Variants in IGF2R observed in about 807,000 individuals in gnomAD.
IGF2R encodes insulin like growth factor 2 receptor, also known as cation-independent mannose-6-phosphate receptor.
In IGF2R, 91 loss-of-function variants were observed where a neutral mutation model predicts 270.6. That is an observed-to-expected ratio of 0.34 (90% CI 0.28 to 0.40). The LOEUF (loss-of-function observed/expected upper bound fraction) is 0.40, where lower values mean the gene tolerates loss of function less well. Ranked by LOEUF, IGF2R falls within the 10% of genes least tolerant of loss-of-function variation. The pLI is 1.00. For synonymous variants in IGF2R, 1,316 were observed against 1,258.9 expected, an observed-to-expected ratio of 1.05 and a Z score of -0.96; for missense variants, 2,805 against 3,188.3, an observed-to-expected ratio of 0.88 and a Z score of 2.90.
At chr6:160,085,249 T>C (rs1032825160) in intron 41 of IGF2R, 118 bp downstream of exon 41, 6 of 1,066,306 alleles carry the variant, frequency 5.6e-6, no homozygotes, top group African/African-American at 1.6e-5. Flanking sequence ...CCTCCAGATA[T>C]GATTGCCTGT....
In IGF2R at chr6:159,998,152, G is replaced by A. The variant is rs757691726; in HGVS notation, c.289+6829G>A. ...GAGAACTCACAGAGAAAGGCCACAAGTAATTCTGTTGGCCAGTGTTATGTA... is the reference window on the plus strand; with the variant it reads ...GAGAACTCACAGAGAAAGGCCACAAATAATTCTGTTGGCCAGTGTTATGTA... On this transcript the variant is annotated intron_variant, in intron 2 of 47. Coordinates refer to ENST00000356956, the MANE Select transcript of IGF2R (RefSeq NM_000876.4). This position sits in a 1 kb window ranked among gnomAD's most constrained non-coding sequence, Gnocchi z 4.1. Among the ~76,000 whole-genome samples, 4 of 152,240 alleles carry A rather than the reference G, an allele frequency of 2.6e-5. No homozygotes were observed. Among genetic ancestry groups the A allele is most frequent in the Admixed American group, 6.5e-5 (1 of 15,290 alleles).
rs771785203 is a variant in IGF2R at position 160,050,425 on chromosome 6, G to A, written c.2515-48G>A. On this transcript the variant is annotated intron_variant, in intron 18 of 47. Transcript: ENST00000356956. This position sits in a 1 kb window ranked among gnomAD's most constrained non-coding sequence, Gnocchi z 4.0. ...ATGTAACCACCACCAATAACGAATC[G>A]ACTGTATCTTCAGGGGGAAAAGCCT... The A allele has an allele frequency of 1.9e-5, 29 of 1,551,266 alleles. No homozygotes were observed. Among genetic ancestry groups the A allele is most frequent in the Admixed American group, 5.3e-5 (3 of 56,150 alleles).
intron 33 of IGF2R, 114 bp downstream of exon 33, chr6:160,072,998 C>T: frequency 6.9e-7 from 1 of 1,448,536 alleles, no homozygotes; most frequent in Non-Finnish European, 9.3e-7. Context: ...AGCTGAGACG[C>T]TTTTGTCTCC....
At chr6:160,037,221 G>A (rs1213327709) in intron 10 of IGF2R, among the ~76,000 whole-genome samples, 1 of 152,180 alleles carries the variant, frequency 6.6e-6, no homozygotes, top group Non-Finnish European at 1.5e-5. Context: ...TTTTCATTAT[G>A]ATTGTAACAA....
At chr6:160,003,216 G>T (rs756909509) in intron 2 of IGF2R, 1 of 152,208 alleles carries the variant, frequency 6.6e-6, no homozygotes, top group South Asian at 2.1e-4. Context: ...TCATTGGATT[G>T]TATCTTTCAT....
intron 29 of IGF2R, among the ~76,000 whole-genome samples, chr6:160,067,053 C>G (rs1450095330): frequency 2.0e-5 from 3 of 152,202 alleles, no homozygotes; most frequent in Non-Finnish European, 4.4e-5. Context: ...CTTGCTGAAA[C>G]CTTCAATGCA....
intron 1 of IGF2R, among the ~76,000 whole-genome samples, chr6:159,980,288 C>A (rs1000427930): frequency 6.6e-6 from 1 of 152,028 alleles, no homozygotes; most frequent in African/African-American, 2.4e-5. Context: ...ACTATGAGAT[C>A]CCTAGGTGAG....
At chr6:160,065,812 GTGTATATA>G (rs1464466012) in intron 29 of IGF2R, among the ~76,000 whole-genome samples, 34 of 69,358 alleles carry the variant, frequency 4.9e-4, no homozygotes, top group African/African-American at 1.1e-3. Context: ...GTGTGTGTGT[GTGTATATA>G]TATATATATA....
rs572168335 is a variant in IGF2R at position 160,096,084 on chromosome 6, A to G, written c.6656-355A>G. On this transcript the variant is annotated intron_variant, in intron 44 of 47. Transcript: ENST00000356956. ...ATACTTCAGAGGCTCCTTGATTTGC[A>G]TATTTAAAGTTCCTAAAATTGTAGC... The G allele has an allele frequency of 6.3e-5, 11 of 173,754 alleles. No homozygotes were observed. In the East Asian group the frequency reaches 1.1e-3, roughly 18 times the overall value. The allele number at this position is 173,754 out of a possible 1,614,324, so 10.8% of individuals were successfully genotyped here.
chr6:160,100,576 G>C (rs576155341), intron 45 of IGF2R, among the ~76,000 whole-genome samples: 2 of 152,164 alleles, frequency 1.3e-5, no homozygotes, highest in African/African-American at 4.8e-5. Flanking sequence ...TTGGAAGATT[G>C]AGACAGCACA....
intron 45 of IGF2R, among the ~76,000 whole-genome samples, chr6:160,101,392 G>T (rs2114742829): frequency 6.6e-6 from 1 of 152,294 alleles, no homozygotes. Flanking sequence ...GTGGAGTGTG[G>T]TGGTGCTTCT....
intron 44 of IGF2R, chr6:160,095,860 A>C (rs1379477176): frequency 6.6e-6 from 1 of 152,482 alleles, no homozygotes; most frequent in Non-Finnish European, 1.5e-5. Context: ...TGTGTACATA[A>C]TTCTTTAGGA....
chr6:160,008,912 A>G (rs909011272), intron 2 of IGF2R, 98 bp from the exon 3 acceptor site: 2 of 1,223,944 alleles, frequency 1.6e-6, no homozygotes, highest in Non-Finnish European at 2.3e-6. Context: ...AAGCTATCAG[A>G]TACATTATAA....
intron 1 of IGF2R, 66 bp downstream of exon 1, chr6:159,969,461 C>T (rs1783574025): frequency 2.7e-6 from 3 of 1,112,020 alleles, no homozygotes; most frequent in Admixed American, 4.8e-5. Flanking sequence ...GCGTGGGGGG[C>T]GGGGAGCGCT....
At chr6:160,016,052 C>T (rs941399292) in intron 4 of IGF2R, among the ~76,000 whole-genome samples, 3 of 152,126 alleles carry the variant, frequency 2.0e-5, no homozygotes, top group Non-Finnish European at 2.9e-5. Context: ...TATAAATTAC[C>T]CAGTCTCAGG....
chr6:159,969,306 G>A lies in IGF2R; in HGVS notation c.60G>A (p.Gln20=). Residue 20 remains glutamine, a synonymous_variant, in exon 1 of 48, where the codon CAG becomes CAA. Coordinates refer to ENST00000356956, the MANE Select transcript of IGF2R (RefSeq NM_000876.4). ...GGCCCGCGCCCGCCCGCCGCCCGCA[G>A]CGCTCTCTGCTCCTGCTGCAGCTGC... The part of the protein sequence containing the change: ...HLGPAPARRP[Q]RSLLLLQLLL... The A allele has an allele frequency of 7.9e-7, 1 of 1,264,500 alleles. No individual in the cohort carries two copies. The highest frequency in any genetic ancestry group is 1.0e-6 in the Non-Finnish European group (1 of 1,001,604). The allele number at this position is 1,264,500 out of a possible 1,614,324, so 78.3% of individuals were successfully genotyped here. A position where few individuals can be genotyped will look rare whatever the true frequency, so the allele number is the denominator to read the frequency against.
At position 160,050,646 on chromosome 6, in the gene IGF2R, C is replaced by A; in HGVS notation, c.2688C>A (p.Gly896=). The A allele has an allele frequency of 6.2e-7, 1 of 1,602,140 alleles. No homozygotes were observed. Among genetic ancestry groups the A allele is most frequent in the Non-Finnish European group, 8.5e-7 (1 of 1,170,852 alleles). ...GGATCCATCTCGTCTGCTCCAGGGG[C>A]AGGCTGGTAAGGCACTGCTGCTGGC... The part of the protein sequence containing the change: ...TTRIHLVCSR[G]RLNSHPIFSL... The change falls in exon 19 of 48, where the codon GGC becomes GGA. Residue 896 remains glycine, a synonymous_variant. Transcript: ENST00000356956. This position sits in a 1 kb window ranked among gnomAD's most constrained non-coding sequence, Gnocchi z 4.0.
At chr6:160,018,325 T>C (rs925368973) in intron 4 of IGF2R, among the ~76,000 whole-genome samples, 6 of 152,188 alleles carry the variant, frequency 3.9e-5, no homozygotes, top group Admixed American at 6.5e-5. Context: ...TAAATATGTA[T>C]GCATGCAACT....
At chr6:160,042,674 C>T (rs1211516544) in intron 11 of IGF2R, among the ~76,000 whole-genome samples, 1 of 152,198 alleles carries the variant, frequency 6.6e-6, no homozygotes, top group East Asian at 1.9e-4. Context: ...ATCCTGCACT[C>T]AGTCTGCAGA....
Sources: gnomAD v4.1 joint callset for allele counts (sites outside exome capture counted in the v4.1 genomes callset) on GRCh38, gnomAD v4.1.1 for gene constraint, Gnocchi (gnomAD v3.1) non-coding constraint, MANE v1.5 for transcripts, NCBI Gene and HGNC (gene_info 2026-07-23, HGNC 2026-07-21) for gene names.